Variants in KCNIP4 observed in about 807,000 individuals in gnomAD.
The protein encoded by KCNIP4 is Kv channel-interacting protein 4.
In KCNIP4, 12 loss-of-function variants were observed where a neutral mutation model predicts 34.0. That is an observed-to-expected ratio of 0.35 (90% CI 0.23 to 0.57). KCNIP4 has a LOEUF of 0.57. Among genes scored for constraint, KCNIP4 ranks in the 20% least tolerant of loss-of-function variants. KCNIP4 has a pLI of 0.83. For missense variants in KCNIP4, 238 were observed against 311.7 expected, an observed-to-expected ratio of 0.76 and a Z score of 1.78; for synonymous variants, 124 against 102.2, an observed-to-expected ratio of 1.21 and a Z score of -1.29.
chr4:21,540,842 T>C (rs1196896289), intron 1 of KCNIP4, among the ~76,000 whole-genome samples: 1 of 151,996 alleles, frequency 6.6e-6, no homozygotes, highest in East Asian at 1.9e-4. Flanking sequence ...TGATCTATTA[T>C]TTAGAGTGTT....
intron 1 of KCNIP4, among the ~76,000 whole-genome samples, chr4:21,587,827 A>C (rs1163120484): frequency 1.3e-5 from 2 of 152,096 alleles, no homozygotes; most frequent in Non-Finnish European, 2.9e-5. Context: ...CTTAGCAAAC[A>C]GTTAATACAC....
chr4:20,997,070 G>A (rs973180533), intron 1 of KCNIP4, among the ~76,000 whole-genome samples: 2 of 51,892 alleles, frequency 3.9e-5, no homozygotes, highest in Non-Finnish European at 8.0e-5. Context: ...GACTAGGATG[G>A]GGGGAAAACT....
intron 1 of KCNIP4, among the ~76,000 whole-genome samples, chr4:21,248,200 C>G (rs1156381193): frequency 6.6e-6 from 1 of 151,788 alleles, no homozygotes; most frequent in Non-Finnish European, 1.5e-5. Context: ...GTACCTCTCT[C>G]TTGCCTTGTG....
intron 1 of KCNIP4, among the ~76,000 whole-genome samples, chr4:20,950,605 C>A (rs757455984): frequency 6.6e-6 from 1 of 152,054 alleles, no homozygotes; most frequent in Non-Finnish European, 1.5e-5. Flanking sequence ...TCTGCACAGG[C>A]AAGTGTGATG....
chr4:21,678,192 A>T (rs780137632), intron 1 of KCNIP4, among the ~76,000 whole-genome samples: 4 of 152,184 alleles, frequency 2.6e-5, no homozygotes, highest in Non-Finnish European at 4.4e-5. Context: ...ATGCAAAAGA[A>T]GCCATAGGCA....
chr4:20,786,421 C>A (rs1711997940), intron 3 of KCNIP4, among the ~76,000 whole-genome samples: 1 of 152,094 alleles, frequency 6.6e-6, no homozygotes, highest in Non-Finnish European at 1.5e-5. Flanking sequence ...TGCAACAAAC[C>A]TGCACATGTA....
At chr4:21,848,697 G>C (rs1724175952) in intron 1 of KCNIP4, 1 of 152,028 alleles carries the variant, frequency 6.6e-6, no homozygotes, top group African/African-American at 2.4e-5. Context: ...CATCACCGCA[G>C]GTAAACATTA....
At chr4:21,440,174 A>C (rs942259213) in intron 1 of KCNIP4, among the ~76,000 whole-genome samples, 3 of 152,248 alleles carry the variant, frequency 2.0e-5, no homozygotes, top group African/African-American at 7.2e-5. Flanking sequence ...ACATTGTTGC[A>C]ATATCATTAA....
intron 1 of KCNIP4, among the ~76,000 whole-genome samples, chr4:21,036,694 C>T (rs1049295806): frequency 6.6e-6 from 1 of 152,156 alleles, no homozygotes; most frequent in Admixed American, 6.5e-5. Flanking sequence ...CCACTGCACT[C>T]CAGCCTGGGG....
intron 1 of KCNIP4, among the ~76,000 whole-genome samples, chr4:21,666,966 T>C (rs1353898770): frequency 6.6e-6 from 1 of 152,030 alleles, no homozygotes; most frequent in African/African-American, 2.4e-5. Context: ...GAAGGAGAAA[T>C]AGACAACCAT....
At chr4:21,771,763 T>C (rs28860508) in intron 1 of KCNIP4, among the ~76,000 whole-genome samples, 22,596 of 152,154 alleles carry the variant, frequency 0.15, 5,648 homozygotes, top group African/African-American at 0.51. Flanking sequence ...CTTGTGATTT[T>C]TGCACAATGA....
chr4:21,870,831 G>C (rs1374284117), intron 1 of KCNIP4, among the ~76,000 whole-genome samples: 1 of 152,094 alleles, frequency 6.6e-6, no homozygotes, highest in Non-Finnish European at 1.5e-5. Flanking sequence ...ATGATAGAGG[G>C]AGCCATATTT....
chr4:21,859,806 A>G (rs1724969142), intron 1 of KCNIP4, among the ~76,000 whole-genome samples: 1 of 152,146 alleles, frequency 6.6e-6, no homozygotes, highest in African/African-American at 2.4e-5. Flanking sequence ...AGGTGAGAAG[A>G]TCGCTTGAGC....
At chr4:21,200,954 C>T (rs933118163) in intron 1 of KCNIP4, among the ~76,000 whole-genome samples, 1 of 152,154 alleles carries the variant, frequency 6.6e-6, no homozygotes, top group African/African-American at 2.4e-5. Flanking sequence ...ACAGTCCCTA[C>T]TTTGCAAAAG....
intron 1 of KCNIP4, among the ~76,000 whole-genome samples, chr4:21,038,559 T>C (rs1362011172): frequency 2.0e-5 from 3 of 152,094 alleles, no homozygotes; most frequent in Non-Finnish European, 4.4e-5. Flanking sequence ...GAAGGAGGGC[T>C]TCGAATCCCT....
At chr4:21,228,749 C>T (rs1758585291) in intron 1 of KCNIP4, among the ~76,000 whole-genome samples, 1 of 152,078 alleles carries the variant, frequency 6.6e-6, no homozygotes, top group African/African-American at 2.4e-5. Flanking sequence ...TAGTGTTCTC[C>T]TCCCTTCCAT....
At chr4:21,074,103 T>A (rs1745239564) in intron 1 of KCNIP4, among the ~76,000 whole-genome samples, 1 of 152,136 alleles carries the variant, frequency 6.6e-6, no homozygotes, top group Non-Finnish European at 1.5e-5. Context: ...ATTCTCTTTT[T>A]TTGTTGTGTC....
At position 21,427,098 on chromosome 4, in the gene KCNIP4, T is replaced by G. The variant is rs527428786; in HGVS notation, c.61+521473A>C. Among the ~76,000 whole-genome samples, 160 of 152,162 alleles carry G rather than the reference T, an allele frequency of 1.1e-3. 1 individual carries two copies. Among genetic ancestry groups the G allele is most frequent in the African/African-American group, 3.7e-3 (152 of 41,476 alleles). ...AATTTTCAATACATGACTGAGAGAA[T>G]GTTTCAGTCTACTTAGTAGGAACCT... On this transcript the variant is annotated intron_variant, in intron 1 of 8. Transcript: ENST00000382152.
chr4:20,792,030 C>T (rs1245683484), intron 3 of KCNIP4, among the ~76,000 whole-genome samples: 3 of 152,156 alleles, frequency 2.0e-5, no homozygotes, highest in African/African-American at 4.8e-5. Context: ...TACATCTATA[C>T]ACGTTATTGA....
Sources: allele counts gnomAD v4.1 joint callset (sites outside exome capture counted in the v4.1 genomes callset), GRCh38; gene constraint gnomAD v4.1.1; transcripts MANE v1.5; gene names NCBI Gene and HGNC (gene_info 2026-07-23, HGNC 2026-07-21).